Variants in ABHD12 observed in about 807,000 individuals in gnomAD.
The protein encoded by ABHD12 is abhydrolase domain containing 12, lysophospholipase, also known as lysophosphatidylserine lipase ABHD12.
Under a neutral mutation model 58.3 loss-of-function variants are expected in ABHD12, and 43 were observed. The observed-to-expected ratio is 0.74, with a 90% CI of 0.58 to 0.95. ABHD12 has a LOEUF of 0.95. ABHD12 is among the 40% of genes least tolerant of loss of function. ABHD12 has a pLI of 0.00. For synonymous variants in ABHD12, 219 were observed against 211.2 expected, an observed-to-expected ratio of 1.04 and a Z score of -0.32; for missense variants, 539 against 537.2, an observed-to-expected ratio of 1.00 and a Z score of -0.03.
intron 4 of ABHD12, among the ~76,000 whole-genome samples, chr20:25,317,860 G>C (rs978432765): frequency 6.6e-6 from 1 of 152,120 alleles, no homozygotes; most frequent in Non-Finnish European, 1.5e-5. Context: ...CCACAGCAGG[G>C]ACATGGGCCA....
chr20:25,331,798 G>A (rs1278977516), intron 2 of ABHD12, among the ~76,000 whole-genome samples: 1 of 152,084 alleles, frequency 6.6e-6, no homozygotes, highest in Non-Finnish European at 1.5e-5. Context: ...AAGACCTCCT[G>A]AAGGATGCGC....
chr20:25,298,900 G>C (rs1185272270), downstream of ABHD12, among the ~76,000 whole-genome samples: 2 of 152,182 alleles, frequency 1.3e-5, no homozygotes, highest in Non-Finnish European at 2.9e-5. Context: ...CCATGCATCT[G>C]GGCGGGCGGC....
At chr20:25,318,123 C>T (rs1269845985) in intron 4 of ABHD12, among the ~76,000 whole-genome samples, 2 of 152,130 alleles carry the variant, frequency 1.3e-5, no homozygotes, top group East Asian at 3.8e-4. Flanking sequence ...TTGAGACCAG[C>T]CTGGTCAAAT....
chr20:25,345,625 A>G (rs538095501), intron 1 of ABHD12, among the ~76,000 whole-genome samples: 37 of 152,372 alleles, frequency 2.4e-4, no homozygotes, highest in Admixed American at 9.8e-4. Context: ...GGATTTTAAA[A>G]GGAGCAAAGG....
At chr20:25,295,333 G>A (rs545682903), downstream of ABHD12, among the ~76,000 whole-genome samples, 4 of 152,374 alleles carry the variant, frequency 2.6e-5, no homozygotes, top group African/African-American at 7.2e-5. Context: ...TGGAAGACAC[G>A]TTTTAAATGC....
At chr20:25,342,434 C>A (rs891014340) in intron 1 of ABHD12, among the ~76,000 whole-genome samples, 1 of 150,998 alleles carries the variant, frequency 6.6e-6, no homozygotes, top group South Asian at 2.1e-4. Context: ...CTTCACTTTA[C>A]TGCACTTTGC....
At chr20:25,303,282 A>C in intron 11 of ABHD12, 4 of 1,298,344 alleles carry the variant, frequency 3.1e-6, no homozygotes, top group East Asian at 3.9e-5. Context: ...AGGACTGGGA[A>C]CTATCTGCTT....
chr20:25,337,256 G>A (rs142773431), intron 2 of ABHD12, among the ~76,000 whole-genome samples: 17 of 152,240 alleles, frequency 1.1e-4, no homozygotes, highest in African/African-American at 3.9e-4. Context: ...ACAGAGCCAC[G>A]CCCTGTCTCA....
At chr20:25,315,193 G>A (rs2088936989) in intron 5 of ABHD12, among the ~76,000 whole-genome samples, 1 of 152,140 alleles carries the variant, frequency 6.6e-6, no homozygotes, top group Non-Finnish European at 1.5e-5. Context: ...GGGAGCGCAG[G>A]AAGGCTCTCC....
chr20:25,303,212 G>C (rs770356543), intron 11 of ABHD12: 19 of 1,207,562 alleles, frequency 1.6e-5, no homozygotes, highest in Non-Finnish European at 1.9e-5. Context: ...TTCCAGCTGA[G>C]TTCCCAGGTT....
In ABHD12 at chr20:25,317,077, C is replaced by T. The variant is rs2145961090; in HGVS notation, c.544G>A (p.Gly182Arg). 1 of 1,611,940 alleles carries T rather than the reference C, an allele frequency of 6.2e-7. No homozygotes were observed. Among genetic ancestry groups the T allele is most frequent in the Non-Finnish European group, 8.5e-7 (1 of 1,178,804 alleles). Residue 182 changes from glycine to arginine, a missense_variant and splice_region_variant, in exon 5 of 13, where the codon GGA (glycine) becomes AGA (arginine). Physicochemically the swap from Gly to Arg is moderately radical, Grantham distance 125. Transcript: ENST00000339157. ...TAAAGCTCCACGCGGTGGTCGCCTCCTCTGGAGAAGAAAACAGGACATGGT... is the reference window on the plus strand; with the variant it reads ...TAAAGCTCCACGCGGTGGTCGCCTCTTCTGGAGAAGAAAACAGGACATGGT... ...LYLHGNAGTRGGDHRVELYKV... is the reference protein window; with the variant it reads ...LYLHGNAGTRRGDHRVELYKV...
intron 1 of ABHD12, among the ~76,000 whole-genome samples, chr20:25,378,514 G>T (rs2500403): frequency 0.84 from 128,450 of 152,038 alleles, 54,559 homozygotes; most frequent in African/African-American, 0.92. Flanking sequence ...TACACATTAT[G>T]AGGAGAAAAA....
chr20:25,373,173 C>T (rs1026888973), intron 1 of ABHD12, among the ~76,000 whole-genome samples: 2 of 152,192 alleles, frequency 1.3e-5, no homozygotes, highest in African/African-American at 4.8e-5. Context: ...CCTAACACCA[C>T]ATTGCTCAGA....
At chr20:25,345,375 G>A (rs1805069871) in intron 1 of ABHD12, among the ~76,000 whole-genome samples, 1 of 152,030 alleles carries the variant, frequency 6.6e-6, no homozygotes, top group South Asian at 2.1e-4. Context: ...TTGAGCCACC[G>A]CGCCTGGCCG....
intron 1 of ABHD12, among the ~76,000 whole-genome samples, chr20:25,357,267 G>C (rs976435227): frequency 3.9e-5 from 6 of 152,114 alleles, no homozygotes; most frequent in African/African-American, 1.2e-4. Context: ...TGCTATTCTC[G>C]AAAGTCCCCT....
chr20:25,301,425 GCACAA>G (rs1389778948), intron 12 of ABHD12, among the ~76,000 whole-genome samples: 7 of 148,542 alleles, frequency 4.7e-5, no homozygotes, highest in African/African-American at 1.2e-4. Flanking sequence ...GAGCTGACTG[GCACAA>G]CACAACAAAA....
chr20:25,303,676 T>A, intron 10 of ABHD12, 48 bp from the exon 11 acceptor site: 1 of 1,610,316 alleles, frequency 6.2e-7, no homozygotes, highest in Non-Finnish European at 8.5e-7. Context: ...AAGGGCAGAG[T>A]TGCCCAGACC....
chr20:25,300,925 G>A (rs370904869), intron 12 of ABHD12, 41 bp from the exon 13 acceptor site: 1 of 1,600,108 alleles, frequency 6.2e-7, no homozygotes, highest in South Asian at 1.1e-5. Flanking sequence ...TTTGAGCTCA[G>A]ACCAAAGATC....
At chr20:25,300,202 GAGAGACAA>G, downstream of ABHD12, 1 of 996,238 alleles carries the variant, frequency 1.0e-6, no homozygotes, top group Non-Finnish European at 1.2e-6. Flanking sequence ...TCGCGCTGCA[GAGAGACAA>G]AAGGACCACC....
Sources: allele counts gnomAD v4.1 joint callset (sites outside exome capture counted in the v4.1 genomes callset), GRCh38; gene constraint gnomAD v4.1.1; transcripts MANE v1.5; gene names NCBI Gene and HGNC (gene_info 2026-07-23, HGNC 2026-07-21).